UVSSA: variants seen among roughly 807,000 people sequenced by gnomAD.
The protein encoded by UVSSA is UV-stimulated scaffold protein A.
UVSSA carries 72 observed loss-of-function variants against 73.9 expected under a neutral mutation model. That is an observed-to-expected ratio of 0.97 (90% confidence interval 0.81 to 1.19). The LOEUF (loss-of-function observed/expected upper bound fraction) is 1.19. UVSSA is among the 50% of genes most tolerant of loss of function. UVSSA has a pLI of 0.00. For synonymous variants in UVSSA, 454 were observed against 391.3 expected, an observed-to-expected ratio of 1.16 and a Z score of -1.89; for missense variants, 1,150 against 965.0, an observed-to-expected ratio of 1.19 and a Z score of -2.54.
intron 8 of UVSSA, among the ~76,000 whole-genome samples, chr4:1,373,781 G>A (rs999247432): frequency 2.6e-5 from 4 of 152,222 alleles, no homozygotes; most frequent in African/African-American, 7.2e-5. Flanking sequence ...TTAAGAGGGT[G>A]TTCCGTGCTT....
At chr4:1,373,207 A>T (rs1458424110) in intron 8 of UVSSA, among the ~76,000 whole-genome samples, 1 of 152,240 alleles carries the variant, frequency 6.6e-6, no homozygotes, top group Non-Finnish European at 1.5e-5. Context: ...GCTAATTTAT[A>T]TGACCACAAG....
chr4:1,380,586 A>G, intron 11 of UVSSA: 1 of 1,401,898 alleles, frequency 7.1e-7, no homozygotes, highest in Non-Finnish European at 9.5e-7. Flanking sequence ...CCAGCCGGGC[A>G]GCTGGGCATG....
intron 13 of UVSSA, chr4:1,385,568 C>T (rs1046751976): frequency 5.2e-5 from 22 of 425,628 alleles, no homozygotes; most frequent in African/African-American, 2.2e-4. Context: ...TCCTGGAGTG[C>T]GGGAGGCCAC....
In UVSSA at chr4:1,375,481, A is replaced by G. The variant is rs781652325; in HGVS notation, c.1406A>G (p.Asp469Gly). ...GCTGCTCAGCTGCGGCAGCTCCGGG[A>G]CCACTTGCCTCCACCCTCATCTGCC... ...SAAAQLRQLR[D>G]HLPPPSSASP... is the part of the protein sequence containing the mutation. The change falls in exon 9 of 14, where the codon GAC becomes GGC. Residue 469 changes from aspartate (D) to glycine (G), a missense_variant. Asp to Gly is a moderately conservative substitution (Grantham distance 94). Transcript: ENST00000389851. 5.0e-6 allele frequency: 8 copies of G among 1,611,678 alleles called. No homozygotes were observed. Among genetic ancestry groups the G allele is most frequent in the Non-Finnish European group, 6.8e-6 (8 of 1,179,898 alleles).
At chr4:1,388,756 C>T (rs991918491), downstream of UVSSA, 1 of 152,208 alleles carries the variant, frequency 6.6e-6, no homozygotes, top group Non-Finnish European at 1.5e-5. Flanking sequence ...CAGTATATTA[C>T]ATTGTTTCTC....
intron 7 of UVSSA, among the ~76,000 whole-genome samples, chr4:1,365,765 C>A (rs1249223330): frequency 6.6e-6 from 1 of 152,176 alleles, no homozygotes; most frequent in East Asian, 1.9e-4. Context: ...TGCCTAAGAG[C>A]AGACGCACCT....
chr4:1,354,283 G>A (rs1715298262), intron 5 of UVSSA, among the ~76,000 whole-genome samples: 1 of 152,180 alleles, frequency 6.6e-6, no homozygotes, highest in African/African-American at 2.4e-5. Context: ...CCACAGCGGG[G>A]GAAGCCACGG....
rs750015341 is a variant in UVSSA, at chr4:1,353,111, A to C, written c.632A>C (p.Asn211Thr). Residue 211 changes from asparagine to threonine, a missense_variant, in exon 5 of 14, where the codon AAC becomes ACC. Asn to Thr is a moderately conservative substitution (Grantham distance 65). Coordinates refer to ENST00000389851, the MANE Select transcript of UVSSA (RefSeq NM_020894.4). ...CTGGTGCCTTTTGACTTTGACCCGA[A>C]CCCGGAGACGGAATCCCTTGGCATG... ...RLLVPFDFDP[N>T]PETESLGMAS... is the part of the protein sequence containing the mutation. The C allele has an allele frequency of 6.2e-7, 1 of 1,613,012 alleles. No homozygotes were observed. The highest frequency in any genetic ancestry group is 2.2e-5 in the East Asian group (1 of 44,878).
chr4:1,365,357 T>G (rs977211382), intron 7 of UVSSA, among the ~76,000 whole-genome samples: 1 of 152,212 alleles, frequency 6.6e-6, no homozygotes, highest in African/African-American at 2.4e-5. Flanking sequence ...AGCCGTGCTG[T>G]GTGCAGGAGC....
chr4:1,355,716 G>A (rs1039110723), intron 7 of UVSSA, among the ~76,000 whole-genome samples: 2 of 152,196 alleles, frequency 1.3e-5, no homozygotes, highest in East Asian at 3.9e-4. Flanking sequence ...CTTGCGAGGG[G>A]CTTGGGAGGG....
intron 2 of UVSSA, among the ~76,000 whole-genome samples, chr4:1,348,591 C>G (rs960111569): frequency 1.3e-5 from 2 of 152,204 alleles, no homozygotes; most frequent in African/African-American, 4.8e-5. Context: ...TGTTCACTTC[C>G]TCCAAGGAAA....
exon 14 of UVSSA, chr4:1,394,095 TTC>T (rs1276362131): frequency 3.2e-6 from 1 of 309,390 alleles, no homozygotes; most frequent in East Asian, 8.6e-5. Flanking sequence ...TTGCCTTCAC[TTC>T]TTACTTGCAC....
At chr4:1,355,360 A>C in intron 7 of UVSSA, 115 bp downstream of exon 7, 2 of 1,063,710 alleles carry the variant, frequency 1.9e-6, no homozygotes, top group Non-Finnish European at 2.7e-6. Context: ...GCCACACCCC[A>C]AGCCCACTCA....
At chr4:1,351,451 T>C (rs952003667) in intron 3 of UVSSA, among the ~76,000 whole-genome samples, 2 of 150,458 alleles carry the variant, frequency 1.3e-5, no homozygotes, top group African/African-American at 2.5e-5. Context: ...AGTGGTGCGA[T>C]CTTGGCTCAC....
intron 7 of UVSSA, among the ~76,000 whole-genome samples, chr4:1,362,741 G>A (rs1369158870): frequency 6.6e-6 from 1 of 152,210 alleles, no homozygotes; most frequent in Non-Finnish European, 1.5e-5. Flanking sequence ...CTTCTTAGAG[G>A]TGAACTGGAG....
intron 8 of UVSSA, 64 bp downstream of exon 8, chr4:1,366,495 C>G: frequency 6.9e-6 from 9 of 1,310,608 alleles, no homozygotes; most frequent in Non-Finnish European, 8.5e-6. Context: ...GATGTGGCCC[C>G]TTGGGGTCAT....
chr4:1,377,974 G>A (rs1044181460), intron 10 of UVSSA, among the ~76,000 whole-genome samples: 4 of 152,210 alleles, frequency 2.6e-5, no homozygotes, highest in Non-Finnish European at 5.9e-5. Flanking sequence ...TGCCACATGT[G>A]CCCCACAGCC....
Position 1,354,821 on chromosome 4 carries a change from C to T in UVSSA, c.1021C>T (p.Leu341=), listed in dbSNP as rs767262800. The T allele has an allele frequency of 1.2e-6, 2 of 1,612,990 alleles. No individual in the cohort carries two copies. The highest frequency in any genetic ancestry group is 4.5e-5 in the East Asian group (2 of 44,842). Residue 341 remains leucine (L), a synonymous_variant, in exon 6 of 14, where the codon CTG becomes TTG. Coordinates refer to ENST00000389851, the MANE Select transcript of UVSSA (RefSeq NM_020894.4). ...DTLKLIRNKF[L]PAVCSWIQRF... is the part of the protein sequence containing the mutation. ...ACTCAAGCTCATCCGGAACAAGTTC[C>T]TGCCGGCTGTGTGCTCGTGGATCCA...
Position 1,395,132 on chromosome 4 carries a change from G to A in UVSSA, c.*9171G>A, listed in dbSNP as rs1176988183. 3.8e-6 allele frequency: 5 copies of A among 1,300,610 alleles called. 2 individuals are homozygous for A. Among genetic ancestry groups the A allele is most frequent in the Non-Finnish European group, 5.3e-6 (5 of 941,686 alleles). 80.6% of individuals were successfully genotyped at this position (1,300,610 alleles called of 1,614,324 possible). A position where few individuals can be genotyped will look rare whatever the true frequency, so the allele number is the denominator to read the frequency against. ...CTGCTCACACGTGCCGATGTGGAGT[G>A]CCTGCCTGCTCACACGTGCCCATGT... On this transcript the variant is annotated 3_prime_UTR_variant, in exon 14 of 14. Coordinates refer to the UVSSA transcript ENST00000511216.
Sources: allele counts gnomAD v4.1 joint callset (sites outside exome capture counted in the v4.1 genomes callset), GRCh38; gene constraint gnomAD v4.1.1; transcripts MANE v1.5; gene names NCBI Gene and HGNC (gene_info 2026-07-23, HGNC 2026-07-21).